ZNF264: variants seen among roughly 807,000 people sequenced by gnomAD.
ZNF264 encodes the protein zinc finger protein 264.
ZNF264 carries 11 observed loss-of-function variants against 11.2 expected under a neutral mutation model. The ratio of observed to expected loss-of-function variants is 0.98; its 90% CI spans 0.62 to 1.63. The LOEUF (loss-of-function observed/expected upper bound fraction) is 1.63, where lower values mean the gene tolerates loss of function less well. Ranked by LOEUF, ZNF264 falls within the 40% of genes most tolerant of loss-of-function variation. The pLI is 0.00. For synonymous variants in ZNF264, 309 were observed against 279.8 expected, an observed-to-expected ratio of 1.10 and a Z score of -1.04; for missense variants, 752 against 768.1, an observed-to-expected ratio of 0.98 and a Z score of 0.25.
At chr19:57,194,170 C>T in intron 2 of ZNF264, 169 bp downstream of exon 2, 2 of 943,946 alleles carry the variant, frequency 2.1e-6, no homozygotes, top group Non-Finnish European at 3.0e-6. Context: ...TCTCCTATAT[C>T]TCTGGGCTAA....
intron 1 of ZNF264, among the ~76,000 whole-genome samples, chr19:57,192,763 ACT>A (rs2087183922): frequency 6.6e-6 from 1 of 151,630 alleles, no homozygotes; most frequent in Non-Finnish European, 1.5e-5. Flanking sequence ...ACAGGGTCTC[ACT>A]CTGTCGCCCA....
In ZNF264 at chr19:57,193,944, C is replaced by T; in HGVS notation, c.103C>T (p.Gln35Ter). Residue 35 changes from glutamine to a stop codon, truncating the protein, a stop_gained, in exon 2 of 4, where the codon CAG becomes TAG. Transcript: ENST00000263095. LOFTEE classifies it high-confidence loss of function. The stretch of plus-strand genomic sequence containing the variant: ...GGAGTGGGGGCAGCTGGACCTAGCT[C>T]AGCGGACCCTGTACCAGGAGGTGAT... Reference protein sequence around the residue: ...KEEWGQLDLAQRTLYQEVMLE... With the variant: ...KEEWGQLDLA 6.2e-7 allele frequency: 1 copy of T among 1,614,002 alleles called. No homozygotes were observed. The highest frequency in any genetic ancestry group is 8.5e-7 in the Non-Finnish European group (1 of 1,179,928).
intron 3 of ZNF264, among the ~76,000 whole-genome samples, chr19:57,210,159 T>A (rs4141254): frequency 0.66 from 99,954 of 151,960 alleles, 33,956 homozygotes; most frequent in African/African-American, 0.81. Flanking sequence ...TCTGTCTCTT[T>A]AGACTACAGT....
chr19:57,206,518 G>A (rs896021297), intron 3 of ZNF264, among the ~76,000 whole-genome samples: 19 of 152,076 alleles, frequency 1.2e-4, no homozygotes, highest in African/African-American at 3.6e-4. Context: ...GATTACAAGC[G>A]TGAGTCACCG....
In ZNF264 at chr19:57,217,056, A is replaced by G. The variant is rs998377637; in HGVS notation, c.*4075A>G. ...CCTTCAGAATGCTCAGAAAATTTAC[A>G]TTAGCCTGCAGTTGGGCAAAATCAT... On this transcript the variant is annotated 3_prime_UTR_variant, in exon 4 of 4. Coordinates refer to ENST00000263095, the MANE Select transcript of ZNF264 (RefSeq NM_003417.5). 3 of 152,314 alleles carry G rather than the reference A, an allele frequency of 2.0e-5. No homozygotes were observed. 9.4% of individuals were successfully genotyped at this position (152,314 alleles called of 1,614,324 possible).
rs542852131 is a variant in ZNF264, at chr19:57,216,117, A to G, written c.*3136A>G. The G allele has an allele frequency of 3.9e-5, 6 of 152,344 alleles. No homozygotes were observed. The highest frequency in any genetic ancestry group is 1.9e-4 in the East Asian group (1 of 5,168). The allele number at this position is 152,344 out of a possible 1,614,324, so 9.4% of individuals were successfully genotyped here. A position where few individuals can be genotyped will look rare whatever the true frequency, so the allele number is the denominator to read the frequency against. On this transcript the variant is annotated 3_prime_UTR_variant, in exon 4 of 4. Coordinates refer to ENST00000263095, the MANE Select transcript of ZNF264 (RefSeq NM_003417.5). ...CCTGTAATCCTAGCACTTTGAGACC[A>G]CTAAGGCAGGTGGATCACCTGAGGC...
At chr19:57,198,879 C>A (rs113978478) in intron 2 of ZNF264, among the ~76,000 whole-genome samples, 7,584 of 151,908 alleles carry the variant, frequency 0.05, 813 homozygotes, top group African/African-American at 0.17. Context: ...CTGGCCTCCC[C>A]TTCATTCAAG....
intron 2 of ZNF264, among the ~76,000 whole-genome samples, chr19:57,202,147 C>CTGCA (rs773729169): frequency 1.8e-4 from 27 of 151,758 alleles, no homozygotes; most frequent in Non-Finnish European, 3.5e-4. Context: ...GAGGTAGAGG[C>CTGCA]TGCAGTGAGC....
intron 2 of ZNF264, among the ~76,000 whole-genome samples, chr19:57,203,461 A>G (rs1284041180): frequency 4.6e-5 from 7 of 152,108 alleles, no homozygotes; most frequent in Admixed American, 6.5e-5. Context: ...TGACTACTGT[A>G]TTTTCATCTG....
rs2087375254 is a variant in ZNF264 at position 57,215,662 on chromosome 19, G to A, written c.*2681G>A. On this transcript the variant is annotated 3_prime_UTR_variant, in exon 4 of 4. Coordinates refer to ENST00000263095, the MANE Select transcript of ZNF264 (RefSeq NM_003417.5). ...GCTTTTTTAATGTAAGCATTACATT[G>A]TATAAATTTACCTCATATCACTATT... 6.6e-6 allele frequency: 1 copy of A among 152,064 alleles called. No homozygotes were observed. 9.4% of individuals were successfully genotyped at this position (152,064 alleles called of 1,614,324 possible).
rs1430583967 is a variant in ZNF264 at position 57,222,581 on chromosome 19, A to ACACG, written c.*9603_*9604insGCAC. The ACACG allele has an allele frequency of 2.0e-5, 3 of 151,530 alleles. No homozygotes were observed. The highest frequency in any genetic ancestry group is 4.4e-5 in the Non-Finnish European group (3 of 67,944). 9.4% of individuals were successfully genotyped at this position (151,530 alleles called of 1,614,324 possible). ...GGACCACTTCAAGCTACACACACAC[A>ACACG]CACACATATACACGTGTATGAATAT... On this transcript the variant is annotated 3_prime_UTR_variant, in exon 4 of 4. Coordinates refer to ENST00000263095, the MANE Select transcript of ZNF264 (RefSeq NM_003417.5).
rs762923850 is a variant in ZNF264, at chr19:57,212,858, ACTT to A, written c.1765_1767del (p.Leu590del). The A allele has an allele frequency of 1.7e-5, 27 of 1,614,082 alleles. No homozygotes were observed. Among genetic ancestry groups the A allele is most frequent in the Non-Finnish European group, 8.5e-7 (1 of 1,180,046 alleles). Reference sequence around the variant, plus strand: ...GACAAACCTCAGTTACCCTTCGAGAACTTCTTTTAGGGAAGGACTTTTTGAATG... The same window carrying A: ...GACAAACCTCAGTTACCCTTCGAGAACTTTTAGGGAAGGACTTTTTGAATG... On this transcript the variant is annotated inframe_deletion, in exon 4 of 4. Transcript: ENST00000263095.
rs1394747955 is a variant in ZNF264 at position 57,199,143 on chromosome 19, C to T, written c.160+5142C>T. Among the ~76,000 whole-genome samples the T allele has an allele frequency of 2.6e-5, 4 of 151,882 alleles. 1 individual carries two copies. Among genetic ancestry groups the T allele is most frequent in the African/African-American group, 9.7e-5 (4 of 41,160 alleles). Reference sequence around the variant, plus strand: ...CTGTTGTCCATTATGATAGCTATGCCTACCTTGCCTTTGATGGTTGAGTGC... The same window carrying T: ...CTGTTGTCCATTATGATAGCTATGCTTACCTTGCCTTTGATGGTTGAGTGC... On this transcript the variant is annotated intron_variant, in intron 2 of 3. Transcript: ENST00000263095.
chr19:57,219,154 T>C lies in ZNF264; in HGVS notation c.*6173T>C. 6.6e-6 allele frequency: 1 copy of C among 151,238 alleles called. No individual in the cohort carries two copies. The highest frequency in any genetic ancestry group is 1.5e-5 in the Non-Finnish European group (1 of 68,128). 9.4% of individuals were successfully genotyped at this position (151,238 alleles called of 1,614,324 possible). Reference sequence around the variant, plus strand: ...GCCTGGGCAACAGAGCGAGACTCCATCTCAAAAAAAAAAAAAATTCTCTAG... The same window carrying C: ...GCCTGGGCAACAGAGCGAGACTCCACCTCAAAAAAAAAAAAAATTCTCTAG... On this transcript the variant is annotated 3_prime_UTR_variant, in exon 4 of 4. Transcript: ENST00000263095.
chr19:57,211,412 G>A lies in ZNF264; in HGVS notation c.315G>A (p.Glu105=). Residue 105 remains glutamate (E), a synonymous_variant, in exon 4 of 4, where the codon GAG becomes GAA. Coordinates refer to ENST00000263095, the MANE Select transcript of ZNF264 (RefSeq NM_003417.5). ...EPTTCEPALS[E]GISLQGQVTQ... ...CCACTTGTGAGCCAGCCTTGTCAGAGGGAATCTCACTTCAGGGACAAGTGA... is the reference window on the plus strand; with the variant it reads ...CCACTTGTGAGCCAGCCTTGTCAGAAGGAATCTCACTTCAGGGACAAGTGA... 1 of 1,614,150 alleles carries A rather than the reference G, an allele frequency of 6.2e-7. No homozygotes were observed. The highest frequency in any genetic ancestry group is 8.5e-7 in the Non-Finnish European group (1 of 1,180,042).
intron 3 of ZNF264, among the ~76,000 whole-genome samples, chr19:57,209,744 A>G (rs1394804674): frequency 1.3e-5 from 2 of 151,970 alleles, no homozygotes; most frequent in African/African-American, 2.4e-5. Flanking sequence ...ATGCCTGGCT[A>G]ATGTGTTTTT....
chr19:57,207,681 G>A (rs780501016), intron 3 of ZNF264, among the ~76,000 whole-genome samples: 10 of 149,818 alleles, frequency 6.7e-5, no homozygotes, highest in East Asian at 2.0e-4. Flanking sequence ...CATTACACCC[G>A]GCTAATTTTT....
Position 57,212,048 on chromosome 19 carries a change from C to T in ZNF264, c.951C>T (p.Cys317=), listed in dbSNP as rs1250227619. The T allele has an allele frequency of 1.2e-6, 2 of 1,614,046 alleles. No individual in the cohort carries two copies. Among genetic ancestry groups the T allele is most frequent in the Admixed American group, 3.3e-5 (2 of 60,016 alleles). The change falls in exon 4 of 4, where the codon TGC becomes TGT. Residue 317 remains cysteine, a synonymous_variant. Coordinates refer to ENST00000263095, the MANE Select transcript of ZNF264 (RefSeq NM_003417.5). ...ACACTGGAGAAAAATCCTTTGTGTG[C>T]ACAGAATGTGGCCAAGTCTTTCGAC... ...RRHTGEKSFV[C]TECGQVFRHR...
At chr19:57,207,605 G>A (rs967464748) in intron 3 of ZNF264, among the ~76,000 whole-genome samples, 2 of 139,436 alleles carry the variant, frequency 1.4e-5, no homozygotes, top group African/African-American at 5.4e-5. Context: ...GTGCAGTGGT[G>A]CTATCTTGGC....
Sources: gnomAD v4.1 joint callset for allele counts (sites outside exome capture counted in the v4.1 genomes callset) on GRCh38, gnomAD v4.1.1 for gene constraint, MANE v1.5 for transcripts, NCBI Gene and HGNC (gene_info 2026-07-23, HGNC 2026-07-21) for gene names.